Variants in GRHL2 observed in about 807,000 individuals in gnomAD.
GRHL2 encodes grainyhead like transcription factor 2.
Under a neutral mutation model 83.8 loss-of-function variants are expected in GRHL2, and 21 were observed. That is an observed-to-expected ratio of 0.25 (90% CI 0.18 to 0.36). The LOEUF (loss-of-function observed/expected upper bound fraction) is 0.36. Among genes scored for constraint, GRHL2 ranks in the 10% least tolerant of loss-of-function variants. The pLI, the probability that GRHL2 is intolerant of heterozygous loss-of-function variation, is 1.00. For missense variants in GRHL2, 623 were observed against 781.8 expected, an observed-to-expected ratio of 0.80 and a Z score of 2.42; for synonymous variants, 280 against 278.9, an observed-to-expected ratio of 1.00 and a Z score of -0.04.
chr8:101,631,984 T>C (rs1460425650), intron 10 of GRHL2, among the ~76,000 whole-genome samples: 1 of 152,182 alleles, frequency 6.6e-6, no homozygotes, highest in East Asian at 1.9e-4. Flanking sequence ...ACAAGGAATC[T>C]TGGGTGCATG....
intron 14 of GRHL2, among the ~76,000 whole-genome samples, chr8:101,660,019 AC>A (rs1307092191): frequency 6.6e-6 from 1 of 152,200 alleles, no homozygotes; most frequent in African/African-American, 2.4e-5. Flanking sequence ...CTAACCATCT[AC>A]TAGATTTGTT....
chr8:101,609,775 A>T (rs1055934014), intron 8 of GRHL2, among the ~76,000 whole-genome samples: 3 of 151,024 alleles, frequency 2.0e-5, no homozygotes, highest in African/African-American at 7.4e-5. Context: ...TTTGCATAAC[A>T]TGTTTCTAGA....
At chr8:101,629,529 G>T (rs894942116) in intron 9 of GRHL2, among the ~76,000 whole-genome samples, 3 of 152,004 alleles carry the variant, frequency 2.0e-5, no homozygotes, top group Non-Finnish European at 2.9e-5. Flanking sequence ...TCTTGAAACA[G>T]ATTAATTCTT....
intron 9 of GRHL2, among the ~76,000 whole-genome samples, chr8:101,626,185 C>T (rs1160138619): frequency 6.6e-6 from 1 of 151,904 alleles, no homozygotes; most frequent in Non-Finnish European, 1.5e-5. Flanking sequence ...TAAAACCATA[C>T]ATTTTCTCAT....
At chr8:101,631,825 A>G in intron 10 of GRHL2, 101 bp downstream of exon 10, 1 of 922,716 alleles carries the variant, frequency 1.1e-6, no homozygotes, top group African/African-American at 1.6e-5. Flanking sequence ...AAAACTGCAT[A>G]CATGCAAGGC....
chr8:101,492,735 T>C lies in GRHL2; in HGVS notation c.-35T>C. The C allele has an allele frequency of 6.2e-7, 1 of 1,607,740 alleles. No homozygotes were observed. Among genetic ancestry groups the C allele is most frequent in the Non-Finnish European group, 8.5e-7 (1 of 1,174,234 alleles). ...GTCCAGTTTCACCAGAGGCTGAGGC[T>C]CCAGGAAAAGCGGAGCAAGTTCATT... On this transcript the variant is annotated 5_prime_UTR_variant, in exon 1 of 16. Transcript: ENST00000646743.
intron 1 of GRHL2, among the ~76,000 whole-genome samples, chr8:101,523,152 T>A (rs1810726072): frequency 6.6e-6 from 1 of 151,968 alleles, no homozygotes; most frequent in Non-Finnish European, 1.5e-5. Flanking sequence ...CCTCAAGTGA[T>A]CCACCCACCT....
At chr8:101,652,409 T>G (rs1813663219) in intron 14 of GRHL2, among the ~76,000 whole-genome samples, 1 of 102,062 alleles carries the variant, frequency 9.8e-6, no homozygotes, top group South Asian at 3.3e-4. Context: ...CTGGTGTGTG[T>G]GTGGTGTGTG....
intron 1 of GRHL2, among the ~76,000 whole-genome samples, chr8:101,536,661 A>G (rs1811051501): frequency 6.6e-6 from 1 of 152,218 alleles, no homozygotes; most frequent in African/African-American, 2.4e-5. Flanking sequence ...CATAAGGTTC[A>G]GCCTTGAGTG....
chr8:101,505,508 C>T (rs1391784432), intron 1 of GRHL2, among the ~76,000 whole-genome samples: 1 of 134,122 alleles, frequency 7.5e-6, no homozygotes, highest in Non-Finnish European at 1.5e-5. Flanking sequence ...ACCTGGGACG[C>T]GGAGGTTGCA....
intron 11 of GRHL2, among the ~76,000 whole-genome samples, chr8:101,635,501 A>G (rs1813267433): frequency 6.6e-6 from 1 of 152,190 alleles, no homozygotes; most frequent in African/African-American, 2.4e-5. Flanking sequence ...GGCCAGATAG[A>G]TACACTATGC....
chr8:101,542,034 A>G (rs1811164635), intron 1 of GRHL2, among the ~76,000 whole-genome samples: 1 of 152,180 alleles, frequency 6.6e-6, no homozygotes, highest in South Asian at 2.1e-4. Context: ...GCTGTTCCAT[A>G]TCATTTTACA....
At chr8:101,539,440 G>A (rs907690170) in intron 1 of GRHL2, among the ~76,000 whole-genome samples, 6 of 152,102 alleles carry the variant, frequency 3.9e-5, no homozygotes, top group African/African-American at 7.2e-5. Context: ...ACCAGGCACC[G>A]AGGGTGGCCC....
chr8:101,573,769 C>T lies in GRHL2; in HGVS notation c.836C>T (p.Thr279Ile). Residue 279 changes from threonine (T) to isoleucine (I), a missense_variant, in exon 6 of 16, where the codon ACA becomes ATA. Thr to Ile is a moderately conservative substitution (Grantham distance 89). Transcript: ENST00000646743. The stretch of plus-strand genomic sequence containing the variant: ...AACAAAGGACAGTTCTATGCCATAA[C>T]ACTCAGCGAGACCGGAGACAACAAA... Reference protein sequence around the residue: ...YLNKGQFYAITLSETGDNKCF... With the variant: ...YLNKGQFYAIILSETGDNKCF... 1 of 1,614,202 alleles carries T rather than the reference C, an allele frequency of 6.2e-7. No homozygotes were observed.
Position 101,522,830 on chromosome 8 carries a change from C to CT in GRHL2, c.21-20401dup, listed in dbSNP as rs552587395. On this transcript the variant is annotated intron_variant, in intron 1 of 15. Coordinates refer to ENST00000646743, the MANE Select transcript of GRHL2 (RefSeq NM_024915.4). Reference sequence around the variant, plus strand: ...TTGAAGTTGCATGAAATATAACTTGCTTTTTTTTTTAACTTTAATTTCTAA... The same window carrying CT: ...TTGAAGTTGCATGAAATATAACTTGCTTTTTTTTTTTAACTTTAATTTCTAA... 2.2e-4 allele frequency among the ~76,000 whole-genome samples: 32 copies of CT among 144,610 alleles called. No homozygotes were observed. The South Asian group carries it at 2.9e-3, about 13-fold the overall frequency. 94.9% of individuals were successfully genotyped at this position (144,610 alleles called of 152,430 possible).
downstream of GRHL2, among the ~76,000 whole-genome samples, chr8:101,673,804 G>A (rs573511945): frequency 2.0e-5 from 3 of 151,918 alleles, no homozygotes; most frequent in Non-Finnish European, 2.9e-5. Flanking sequence ...CACATAATTG[G>A]AAGTAAAGCA....
chr8:101,621,783 A>G (rs1246462781), intron 9 of GRHL2, among the ~76,000 whole-genome samples: 1 of 152,144 alleles, frequency 6.6e-6, no homozygotes, highest in African/African-American at 2.4e-5. Flanking sequence ...CTGTAGTTCT[A>G]GGTACTCAGG....
intron 1 of GRHL2, among the ~76,000 whole-genome samples, chr8:101,531,654 T>C (rs975438123): frequency 7.2e-5 from 11 of 152,230 alleles, no homozygotes; most frequent in African/African-American, 2.7e-4. Context: ...ATTCTTTTCT[T>C]GTCCTCTTCC....
chr8:101,506,057 G>A (rs1044808459), intron 1 of GRHL2, among the ~76,000 whole-genome samples: 2 of 152,204 alleles, frequency 1.3e-5, no homozygotes, highest in Admixed American at 1.3e-4. Context: ...TGTGGAAGAA[G>A]TTGAAAATGT....
Sources: allele counts gnomAD v4.1 joint callset (sites outside exome capture counted in the v4.1 genomes callset), GRCh38; gene constraint gnomAD v4.1.1; transcripts MANE v1.5; gene names NCBI Gene and HGNC (gene_info 2026-07-23, HGNC 2026-07-21).